LIPC: variants seen among roughly 807,000 people sequenced by gnomAD.
The protein encoded by LIPC is hepatic triacylglycerol lipase.
A neutral mutation model predicts 50.7 loss-of-function variants in LIPC; 44 were observed. That is an observed-to-expected ratio of 0.87 (90% CI 0.68 to 1.11). The LOEUF (loss-of-function observed/expected upper bound fraction) is 1.11. Among genes scored for constraint, LIPC ranks in the 50% most tolerant of loss-of-function variants. The probability of loss-of-function intolerance (pLI) is 0.00; values close to 1 mark genes in which losing one functional copy is unlikely to be tolerated. For missense variants in LIPC, 697 were observed against 648.2 expected (o/e 1.08, Z -0.82); for synonymous variants, 271 against 256.4 (o/e 1.06, Z -0.54).
chr15:58,474,179 G>C (rs1231378931), intron 1 of LIPC, among the ~76,000 whole-genome samples: 6 of 152,090 alleles, frequency 3.9e-5, no homozygotes, highest in Admixed American at 3.3e-4. Context: ...GTTTCTTCAG[G>C]GGCATCTCAC....
intron 1 of LIPC, chr15:58,521,989 G>C (rs1892671859): frequency 6.6e-6 from 1 of 152,030 alleles, no homozygotes; most frequent in Non-Finnish European, 1.5e-5. Flanking sequence ...ACAATAACCA[G>C]AAGAGAGTTT....
chr15:58,505,591 G>C (rs1182115832), intron 1 of LIPC, among the ~76,000 whole-genome samples: 1 of 152,146 alleles, frequency 6.6e-6, no homozygotes, highest in Non-Finnish European at 1.5e-5. Flanking sequence ...GCCATTGGCA[G>C]CTCCTCTCTT....
intron 1 of LIPC, among the ~76,000 whole-genome samples, chr15:58,498,073 G>C (rs1372243179): frequency 6.6e-6 from 1 of 152,104 alleles, no homozygotes; most frequent in South Asian, 2.1e-4. Flanking sequence ...AAGAGCTGAA[G>C]GATCAAAGAG....
At chr15:58,554,221 T>A (rs1249920393) in intron 6 of LIPC, among the ~76,000 whole-genome samples, 1 of 152,208 alleles carries the variant, frequency 6.6e-6, no homozygotes, top group Non-Finnish European at 1.5e-5. Flanking sequence ...CCAGGATTTT[T>A]CCTAGTGAGG....
At chr15:58,440,432 G>A (rs1264597556) in intron 1 of LIPC, among the ~76,000 whole-genome samples, 1 of 152,166 alleles carries the variant, frequency 6.6e-6, no homozygotes, top group Admixed American at 6.5e-5. Flanking sequence ...AAAACAAACT[G>A]CTTTATACTG....
intron 4 of LIPC, among the ~76,000 whole-genome samples, chr15:58,543,082 G>T (rs1383354247): frequency 5.9e-5 from 9 of 152,138 alleles, no homozygotes; most frequent in Admixed American, 5.9e-4. Context: ...GTTTTAGTCT[G>T]GGACCCATTT....
intron 1 of LIPC, among the ~76,000 whole-genome samples, chr15:58,438,610 T>C (rs543143300): frequency 2.6e-5 from 4 of 152,238 alleles, no homozygotes; most frequent in African/African-American, 9.6e-5. Context: ...AGAAAGGCAG[T>C]CGGGTCTTAC....
chr15:58,458,150 C>T (rs1008780349), intron 1 of LIPC, among the ~76,000 whole-genome samples: 9 of 138,974 alleles, frequency 6.5e-5, no homozygotes, highest in African/African-American at 2.4e-4. Flanking sequence ...TTTACTCCTA[C>T]AGAAGCAGGG....
intron 1 of LIPC, among the ~76,000 whole-genome samples, chr15:58,460,057 C>T (rs1595866976): frequency 1.3e-5 from 2 of 152,232 alleles, no homozygotes; most frequent in Admixed American, 1.3e-4. Flanking sequence ...ACTGCAGCTT[C>T]CAAGCCCACG....
At chr15:58,452,439 G>T (rs1893936029) in intron 1 of LIPC, among the ~76,000 whole-genome samples, 1 of 152,180 alleles carries the variant, frequency 6.6e-6, no homozygotes, top group Admixed American at 6.5e-5. Flanking sequence ...AGAAGAGTGT[G>T]AACGTGAAAC....
At chr15:58,492,135 C>G (rs770206652) in intron 1 of LIPC, among the ~76,000 whole-genome samples, 5 of 152,062 alleles carry the variant, frequency 3.3e-5, no homozygotes, top group Non-Finnish European at 7.4e-5. Flanking sequence ...AGCATTCTAC[C>G]CAGAAGAACA....
At chr15:58,548,303 T>A in intron 5 of LIPC, 27 bp from the exon 6 acceptor site, 1 of 1,613,836 alleles carries the variant, frequency 6.2e-7, no homozygotes, top group East Asian at 2.2e-5. Flanking sequence ...TAAGGGGTGA[T>A]AACGTCCTTC....
chr15:58,489,218 G>GGGGGGGGGGGGGGGGGGGGT (rs1555400837), intron 1 of LIPC, among the ~76,000 whole-genome samples: 1 of 32,654 alleles, frequency 3.1e-5, no homozygotes, highest in African/African-American at 1.1e-4. Flanking sequence ...ATTTTGTTGC[G>GGGGGGGGGGGGGGGGGGGGT]GGGGCGGGGG....
At chr15:58,568,366 T>C (rs67688669) in intron 8 of LIPC, among the ~76,000 whole-genome samples, 62,691 of 152,002 alleles carry the variant, frequency 0.41, 15,191 homozygotes, top group Non-Finnish European at 0.55. Context: ...GAACTAGAAA[T>C]GTTTGCCCTG....
At chr15:58,560,836 CTCTT>C (rs1566952208) in intron 6 of LIPC, 24 bp from the exon 7 acceptor site, 1 of 884,984 alleles carries the variant, frequency 1.1e-6, no homozygotes, top group East Asian at 2.4e-5. Context: ...AATTATCTCT[CTCTT>C]TCTCTCTCTG....
In LIPC at chr15:58,568,846, T is replaced by C. The variant is rs201548173; in HGVS notation, c.*19T>C. On this transcript the variant is annotated 3_prime_UTR_variant, in exon 9 of 9. Transcript: ENST00000299022. ...CAGATGAGATTTAATGAAGACCCAGTGTAAAGAATAAATGAATCTTACTCC... is the reference window on the plus strand; with the variant it reads ...CAGATGAGATTTAATGAAGACCCAGCGTAAAGAATAAATGAATCTTACTCC... The C allele has an allele frequency of 2.8e-6, 4 of 1,432,328 alleles. No homozygotes were observed. The East Asian group carries it at 9.4e-5, about 34-fold the overall frequency. 88.7% of individuals were successfully genotyped at this position (1,432,328 alleles called of 1,614,324 possible).
chr15:58,438,880 C>A (rs1463049319), intron 1 of LIPC, among the ~76,000 whole-genome samples: 1 of 152,238 alleles, frequency 6.6e-6, no homozygotes, highest in Non-Finnish European at 1.5e-5. Flanking sequence ...CAGAAGCATT[C>A]CTCATTTCAT....
chr15:58,549,714 C>A (rs1259467871), intron 6 of LIPC, among the ~76,000 whole-genome samples: 5 of 152,136 alleles, frequency 3.3e-5, no homozygotes, highest in African/African-American at 4.8e-5. Context: ...TTGAGTCAAG[C>A]AGGTCTAGGA....
intron 5 of LIPC, among the ~76,000 whole-genome samples, chr15:58,547,174 G>C (rs1893560899): frequency 6.6e-6 from 1 of 152,148 alleles, no homozygotes. Flanking sequence ...CCCAAGCTTG[G>C]GCTGGTTTTT....
Sources: allele counts gnomAD v4.1 joint callset (sites outside exome capture counted in the v4.1 genomes callset), GRCh38; gene constraint gnomAD v4.1.1; transcripts MANE v1.5; gene names NCBI Gene and HGNC (gene_info 2026-07-23, HGNC 2026-07-21).